The following BASP1 variants were observed in gnomAD, a reference collection of about 807,000 sequenced individuals.
BASP1 encodes brain abundant membrane attached signal protein 1.
In BASP1, 1 loss-of-function variant was observed where a neutral mutation model predicts 2.2. The ratio of observed to expected loss-of-function variants is 0.46; its 90% CI spans 0.16 to 2.17. The LOEUF (loss-of-function observed/expected upper bound fraction) is 2.17, where lower values mean the gene tolerates loss of function less well. Ranked by LOEUF, BASP1 falls within the 30% of genes most tolerant of loss-of-function variation. The pLI, the probability that BASP1 is intolerant of heterozygous loss-of-function variation, is 0.27. For missense variants in BASP1, 352 were observed against 327.2 expected (o/e 1.08, Z -0.58); for synonymous variants, 187 against 154.2 (o/e 1.21, Z -1.58).
intron 1 of BASP1, among the ~76,000 whole-genome samples, chr5:17,269,764 A>C (rs538909307): frequency 6.6e-6 from 1 of 152,322 alleles, no homozygotes; most frequent in South Asian, 2.1e-4. Flanking sequence ...AGCAAAACAA[A>C]ATGACATTTG....
intron 1 of BASP1, among the ~76,000 whole-genome samples, chr5:17,257,556 T>C (rs1740239992): frequency 1.3e-5 from 2 of 152,216 alleles, no homozygotes; most frequent in Admixed American, 6.5e-5. Context: ...TTCCATTTAA[T>C]GCTAACAACC....
chr5:17,248,997 T>C (rs1049210701), intron 1 of BASP1, among the ~76,000 whole-genome samples: 36 of 152,222 alleles, frequency 2.4e-4, no homozygotes, highest in African/African-American at 8.2e-4. Flanking sequence ...TGCAAAATTA[T>C]ATATGTGTTG....
In BASP1 at chr5:17,275,601, C is replaced by G; in HGVS notation, c.385C>G (p.Pro129Ala). ...APKAAEAAAA[P>A]AESAAPAAGE... ...CAAAGCTGCTGAGGCCGCCGCGGCC[C>G]CGGCCGAGAGCGCGGCCCCTGCCGC... is the stretch of plus-strand genomic sequence containing the variant. Residue 129 changes from proline to alanine, a missense_variant, in exon 2 of 2, where the codon CCG (proline) becomes GCG (alanine). Physicochemically the swap from Pro to Ala is conservative, Grantham distance 27. Transcript: ENST00000322611. This position sits in a 1 kb window ranked among gnomAD's most constrained non-coding sequence, Gnocchi z 5.3. 1 of 1,418,556 alleles carries G rather than the reference C, an allele frequency of 7.0e-7. No homozygotes were observed. The highest frequency in any genetic ancestry group is 1.5e-5 in the South Asian group (1 of 65,264). 87.9% of individuals were successfully genotyped at this position (1,418,556 alleles called of 1,614,324 possible). A position where few individuals can be genotyped will look rare whatever the true frequency, so the allele number is the denominator to read the frequency against.
intron 1 of BASP1, among the ~76,000 whole-genome samples, chr5:17,226,900 T>C (rs1739518652): frequency 6.6e-6 from 1 of 151,978 alleles, no homozygotes; most frequent in Non-Finnish European, 1.5e-5. Context: ...AGATAAAGTG[T>C]CCTGGAATCT....
intron 1 of BASP1, among the ~76,000 whole-genome samples, chr5:17,258,261 GTTT>G (rs1381593627): frequency 6.6e-6 from 1 of 152,164 alleles, no homozygotes; most frequent in Non-Finnish European, 1.5e-5. Flanking sequence ...TGCTGTGCTT[GTTT>G]TTAGCTTTGT....
chr5:17,275,935 A>C lies in BASP1; in HGVS notation c.*35A>C. The C allele has an allele frequency of 6.8e-7, 1 of 1,471,184 alleles. No homozygotes were observed. 91.1% of individuals were successfully genotyped at this position (1,471,184 alleles called of 1,614,324 possible). ...CCTATAGGAAAAACAATACCACTTAAAACAATCTCCTCTCTCTCTCTCTCT... is the reference window on the plus strand; with the variant it reads ...CCTATAGGAAAAACAATACCACTTACAACAATCTCCTCTCTCTCTCTCTCT... On this transcript the variant is annotated 3_prime_UTR_variant, in exon 2 of 2. Transcript: ENST00000322611. The surrounding 1 kb of genome is among the most constrained non-coding windows in gnomAD (Gnocchi z 5.3).
chr5:17,249,952 T>A (rs1432871195), intron 1 of BASP1, among the ~76,000 whole-genome samples: 1 of 152,170 alleles, frequency 6.6e-6, no homozygotes, highest in Non-Finnish European at 1.5e-5. Flanking sequence ...TTTTTTCTTC[T>A]TGTTTTTAAG....
Position 17,275,458 on chromosome 5 carries a change from A to C in BASP1, c.242A>C (p.Glu81Ala). 6.6e-7 allele frequency: 1 copy of C among 1,506,368 alleles called. No individual in the cohort carries two copies. The allele number at this position is 1,506,368 out of a possible 1,614,324, so 93.3% of individuals were successfully genotyped here. The change falls in exon 2 of 2, where the codon GAG (glutamate) becomes GCG (alanine). Residue 81 changes from glutamate (E) to alanine (A), a missense_variant. Physicochemically the swap from Glu to Ala is moderately radical, Grantham distance 107 (BLOSUM62 -1). Coordinates refer to ENST00000322611, the MANE Select transcript of BASP1 (RefSeq NM_006317.5). The surrounding 1 kb of genome is among the most constrained non-coding windows in gnomAD (Gnocchi z 5.3). ...GEKDAAAAKE[E>A]APKAEPEKTE... ...AAGGACGCGGCGGCTGCCAAGGAGG[A>C]GGCCCCGAAGGCGGAGCCCGAGAAG... is the stretch of plus-strand genomic sequence containing the variant.
intron 1 of BASP1, among the ~76,000 whole-genome samples, chr5:17,228,689 G>A (rs148138648): frequency 5.5e-4 from 84 of 152,302 alleles, no homozygotes; most frequent in African/African-American, 1.9e-3. Context: ...AGGAAGTGAT[G>A]GATAGAGGGA....
chr5:17,264,573 C>T (rs1740378871), intron 1 of BASP1, among the ~76,000 whole-genome samples: 1 of 152,194 alleles, frequency 6.6e-6, no homozygotes, highest in African/African-American at 2.4e-5. Flanking sequence ...AACTTTGATT[C>T]ATTCCCTGCA....
At chr5:17,227,389 T>TA (rs59743946) in intron 1 of BASP1, among the ~76,000 whole-genome samples, 4,754 of 95,820 alleles carry the variant, frequency 0.05, 229 homozygotes, top group African/African-American at 0.21. Flanking sequence ...TTGACTAATT[T>TA]TTATATATAT....
intron 1 of BASP1, among the ~76,000 whole-genome samples, chr5:17,241,821 A>G (rs901005352): frequency 2.0e-5 from 3 of 152,188 alleles, no homozygotes; most frequent in Non-Finnish European, 4.4e-5. Context: ...CAGAAGCTCC[A>G]ACCAAGAGCT....
In BASP1 at chr5:17,220,022, A is replaced by G. The variant is rs150117770; in HGVS notation, c.-10+2212A>G. Among the ~76,000 whole-genome samples the G allele has an allele frequency of 9.6e-4, 146 of 152,288 alleles. 2 individuals are homozygous for G. In the East Asian group the frequency reaches 0.02, roughly 21 times the overall value. ...ATTTATTTTCAGGTAGTTTGTTTTT[A>G]CCACACAAAAAGGGACTTATTGTGT... is the stretch of plus-strand genomic sequence containing the variant. On this transcript the variant is annotated intron_variant, in intron 1 of 1. Transcript: ENST00000322611.
intron 1 of BASP1, among the ~76,000 whole-genome samples, chr5:17,261,976 C>T (rs1044460751): frequency 1.3e-5 from 2 of 152,158 alleles, no homozygotes; most frequent in Admixed American, 6.5e-5. Flanking sequence ...AGCCCATCAC[C>T]GGATCAATTT....
chr5:17,240,133 G>GATAGATAA (rs1554027069), intron 1 of BASP1, among the ~76,000 whole-genome samples: 1 of 145,978 alleles, frequency 6.9e-6, no homozygotes, highest in Non-Finnish European at 1.5e-5. Flanking sequence ...TAAAAATAAA[G>GATAGATAA]ATAAATAAAT....
At chr5:17,225,959 A>G (rs942450056) in intron 1 of BASP1, among the ~76,000 whole-genome samples, 3 of 152,248 alleles carry the variant, frequency 2.0e-5, no homozygotes, top group Non-Finnish European at 2.9e-5. Flanking sequence ...TCTAAAGCAT[A>G]CTATTGGGAT....
chr5:17,251,432 AAAACCATT>A lies in BASP1; in HGVS notation c.-9-23772_-9-23765del, dbSNP rs1288617734. Among the ~76,000 whole-genome samples the A allele has an allele frequency of 6.6e-6, 1 of 152,224 alleles. No individual in the cohort carries two copies. Among genetic ancestry groups the A allele is most frequent in the Non-Finnish European group, 1.5e-5 (1 of 68,040 alleles). On this transcript the variant is annotated intron_variant, in intron 1 of 1. Coordinates refer to ENST00000322611, the MANE Select transcript of BASP1 (RefSeq NM_006317.5). The surrounding 1 kb of genome is among the most constrained non-coding windows in gnomAD (Gnocchi z 4.0). ...ATATAAAATGATTTTACATCAATAC[AAAACCATT>A]AAATATATGTTAAAAAGATTTCAGA... is the stretch of plus-strand genomic sequence containing the variant.
At chr5:17,239,247 C>T (rs1004737187) in intron 1 of BASP1, among the ~76,000 whole-genome samples, 6 of 152,074 alleles carry the variant, frequency 3.9e-5, no homozygotes, top group Non-Finnish European at 7.3e-5. Context: ...GTGCCCGCCA[C>T]CATATCTGGC....
intron 1 of BASP1, among the ~76,000 whole-genome samples, chr5:17,238,014 C>T (rs937528452): frequency 8.6e-5 from 13 of 151,926 alleles, no homozygotes; most frequent in African/African-American, 3.1e-4. Flanking sequence ...TACATAAATG[C>T]TTATTTGGGG....
Sources: gnomAD v4.1 joint callset for allele counts (sites outside exome capture counted in the v4.1 genomes callset) on GRCh38, gnomAD v4.1.1 for gene constraint, Gnocchi (gnomAD v3.1) non-coding constraint, MANE v1.5 for transcripts, NCBI Gene and HGNC (gene_info 2026-07-23, HGNC 2026-07-21) for gene names.